Variants in RPS6KA2 observed in about 807,000 individuals in gnomAD.
RPS6KA2 encodes the protein ribosomal protein S6 kinase A2.
In RPS6KA2, 42 loss-of-function variants were observed where a neutral mutation model predicts 91.8. The observed-to-expected ratio is 0.46, with a 90% CI of 0.36 to 0.59. The LOEUF (loss-of-function observed/expected upper bound fraction) is 0.59. Ranked by LOEUF, RPS6KA2 falls within the 20% of genes least tolerant of loss-of-function variation. The pLI, the probability that RPS6KA2 is intolerant of heterozygous loss-of-function variation, is 0.00. For synonymous variants in RPS6KA2, 414 were observed against 393.6 expected (o/e 1.05, Z -0.61); for missense variants, 798 against 978.5 (o/e 0.82, Z 2.46).
chr6:166,689,740 G>A (rs566801971), intron 2 of RPS6KA2, among the ~76,000 whole-genome samples: 4 of 152,208 alleles, frequency 2.6e-5, no homozygotes, highest in Non-Finnish European at 4.4e-5. Context: ...AAAGTTTGGT[G>A]TCCCTGAACA....
intron 2 of RPS6KA2, among the ~76,000 whole-genome samples, chr6:166,800,099 C>T (rs559421244): frequency 6.6e-6 from 1 of 152,284 alleles, no homozygotes; most frequent in South Asian, 2.1e-4. Context: ...TCATTTGAAT[C>T]CTGGAAAATA....
chr6:166,621,351 C>A (rs906131825), intron 1 of RPS6KA2, among the ~76,000 whole-genome samples: 8 of 152,176 alleles, frequency 5.3e-5, no homozygotes, highest in Non-Finnish European at 1.0e-4. Flanking sequence ...CATTATTTTC[C>A]CCTAGCTAAG....
At chr6:166,791,406 A>G (rs1416086972) in intron 2 of RPS6KA2, among the ~76,000 whole-genome samples, 1 of 152,182 alleles carries the variant, frequency 6.6e-6, no homozygotes, top group South Asian at 2.1e-4. Context: ...ACTCCCACAC[A>G]ATAATAATGG....
In RPS6KA2 at chr6:166,412,606, C is replaced by T. The variant is rs1436158227; in HGVS notation, c.*156G>A. The stretch of plus-strand genomic sequence containing the variant: ...GGAGAAGCCCCCAGGTCAGGACCCT[C>T]TCCGGGGCTGAAAAAGAAAACACGG... On this transcript the variant is annotated 3_prime_UTR_variant, in exon 21 of 21. Transcript: ENST00000265678. This position sits in a 1 kb window ranked among gnomAD's most constrained non-coding sequence, Gnocchi z 4.3. 1 of 728,174 alleles carries T rather than the reference C, an allele frequency of 1.4e-6. No homozygotes were observed. 45.1% of individuals were successfully genotyped at this position (728,174 alleles called of 1,614,324 possible).
At chr6:166,582,995 C>T (rs995008673) in intron 1 of RPS6KA2, among the ~76,000 whole-genome samples, 3 of 152,188 alleles carry the variant, frequency 2.0e-5, no homozygotes, top group Admixed American at 2.0e-4. Context: ...AAAATTCACT[C>T]ACTTTGTCTT....
chr6:166,670,044 G>A (rs1157712970), intron 2 of RPS6KA2, among the ~76,000 whole-genome samples: 1 of 152,254 alleles, frequency 6.6e-6, no homozygotes, highest in Non-Finnish European at 1.5e-5. Context: ...GGGCACTCAG[G>A]AGAAGGGCCT....
intron 2 of RPS6KA2, among the ~76,000 whole-genome samples, chr6:166,715,427 G>A (rs1340334321): frequency 6.6e-6 from 1 of 152,196 alleles, no homozygotes; most frequent in Non-Finnish European, 1.5e-5. Flanking sequence ...AAAAAATGCT[G>A]GGTGAGAAGA....
intron 2 of RPS6KA2, among the ~76,000 whole-genome samples, chr6:166,708,580 G>A (rs1789757823): frequency 6.6e-6 from 1 of 152,166 alleles, no homozygotes; most frequent in African/African-American, 2.4e-5. Flanking sequence ...TGGAACCCTG[G>A]CAAAAGCTAA....
At position 166,449,821 on chromosome 6, in the gene RPS6KA2, A is replaced by G. The variant is rs1779802054; in HGVS notation, c.1207-972T>C. Reference sequence around the variant, plus strand: ...CACCACGGGGACCACCATGGGAACCACCACAGGGACCACCACGGGACAACC... The same window carrying G: ...CACCACGGGGACCACCATGGGAACCGCCACAGGGACCACCACGGGACAACC... On this transcript the variant is annotated intron_variant, in intron 13 of 20. Coordinates refer to ENST00000265678, the MANE Select transcript of RPS6KA2 (RefSeq NM_021135.6). 6.5e-5 allele frequency among the ~76,000 whole-genome samples: 8 copies of G among 123,730 alleles called. No homozygotes were observed. The South Asian group carries it at 2.0e-3, about 31-fold the overall frequency. The allele number at this position is 123,730 out of a possible 152,430, so 81.2% of individuals were successfully genotyped here.
chr6:166,507,731 T>A (rs1782291935), intron 5 of RPS6KA2, among the ~76,000 whole-genome samples: 1 of 140,868 alleles, frequency 7.1e-6, no homozygotes, highest in Non-Finnish European at 1.5e-5. Flanking sequence ...ACAGCACACA[T>A]CACATACACC....
At chr6:166,564,243 C>T (rs1397876020) in intron 1 of RPS6KA2, among the ~76,000 whole-genome samples, 1 of 152,226 alleles carries the variant, frequency 6.6e-6, no homozygotes, top group East Asian at 1.9e-4. Flanking sequence ...ATCATTCGAT[C>T]AAGAGTGCCC....
intron 1 of RPS6KA2, among the ~76,000 whole-genome samples, chr6:166,861,541 C>T (rs545054983): frequency 1.3e-5 from 2 of 152,220 alleles, no homozygotes; most frequent in African/African-American, 2.4e-5. Context: ...AGCCCTGGGA[C>T]GGGCAAGGAA....
At chr6:166,632,986 G>A (rs1158282754) in intron 2 of RPS6KA2, among the ~76,000 whole-genome samples, 1 of 152,206 alleles carries the variant, frequency 6.6e-6, no homozygotes, top group East Asian at 1.9e-4. Flanking sequence ...AGGCCGAGAT[G>A]GGCAGATCAC....
At chr6:166,751,535 G>A (rs568052352) in intron 2 of RPS6KA2, among the ~76,000 whole-genome samples, 2 of 152,250 alleles carry the variant, frequency 1.3e-5, no homozygotes, top group Non-Finnish European at 2.9e-5. Context: ...AACAGATGGC[G>A]ACAGGGGCTT....
At chr6:166,822,006 G>A (rs994343795) in intron 2 of RPS6KA2, among the ~76,000 whole-genome samples, 1 of 152,064 alleles carries the variant, frequency 6.6e-6, no homozygotes, top group Non-Finnish European at 1.5e-5. Flanking sequence ...AGCCCAGCAC[G>A]CACCCAGATC....
At chr6:166,788,070 A>C (rs949005073) in intron 2 of RPS6KA2, among the ~76,000 whole-genome samples, 1 of 152,190 alleles carries the variant, frequency 6.6e-6, no homozygotes, top group African/African-American at 2.4e-5. Flanking sequence ...CAACAGACAT[A>C]TGAAAAAAAG....
chr6:166,592,688 A>G (rs1785393450), intron 1 of RPS6KA2, among the ~76,000 whole-genome samples: 1 of 4,328 alleles, frequency 2.3e-4, no homozygotes, highest in Non-Finnish European at 4.1e-4. Context: ...GAACTGTACT[A>G]CAGCGCTTCA....
chr6:166,706,824 C>T (rs574466716), intron 2 of RPS6KA2, among the ~76,000 whole-genome samples: 8 of 152,202 alleles, frequency 5.3e-5, no homozygotes, highest in South Asian at 2.1e-4. Flanking sequence ...AGGGTGGGAT[C>T]GGGAGGAAAA....
chr6:166,739,171 T>C lies in RPS6KA2; in HGVS notation c.123+119029A>G, dbSNP rs193176222. Among the ~76,000 whole-genome samples the C allele has an allele frequency of 7.9e-5, 12 of 152,294 alleles. No individual in the cohort carries two copies. The East Asian group carries it at 1.5e-3, about 20-fold the overall frequency. On this transcript the variant is annotated intron_variant, in intron 2 of 21. Transcript: ENST00000503859. ...TGACAAGCTAAGTATCTGCAGTGAG[T>C]CACTCAGATTTAACTTGTCTAAACT...
Sources: gnomAD v4.1 joint callset for allele counts (sites outside exome capture counted in the v4.1 genomes callset) on GRCh38, gnomAD v4.1.1 for gene constraint, Gnocchi (gnomAD v3.1) non-coding constraint, MANE v1.5 for transcripts, NCBI Gene and HGNC (gene_info 2026-07-23, HGNC 2026-07-21) for gene names.